Variants in HCLS1 observed in about 807,000 individuals in gnomAD.
The protein encoded by HCLS1 is hematopoietic cell-specific Lyn substrate 1, also known as hematopoietic lineage cell-specific protein.
HCLS1 carries 44 observed loss-of-function variants against 68.6 expected under a neutral mutation model. The observed-to-expected ratio is 0.64, with a 90% confidence interval of 0.50 to 0.82. HCLS1 has a LOEUF of 0.82. HCLS1 is among the 40% of genes least tolerant of loss of function. HCLS1 has a pLI of 0.00. For synonymous variants in HCLS1, 217 were observed against 225.8 expected (o/e 0.96, Z 0.35); for missense variants, 602 against 612.1 (o/e 0.98, Z 0.17).
chr3:121,634,427 A>G lies in HCLS1; in HGVS notation c.692-9T>C, dbSNP rs2049130208. ...ACGGGTACCACTAGAAGCTGCAGAC[A>G]CAGGCAAGAAAAATTAGGGTTGTCT... On this transcript the variant is annotated splice_polypyrimidine_tract_variant and intron_variant, in intron 9 of 13. Transcript: ENST00000314583. 1.2e-6 allele frequency: 2 copies of G among 1,613,612 alleles called. No individual in the cohort carries two copies. Among genetic ancestry groups the G allele is most frequent in the South Asian group, 1.1e-5 (1 of 91,076 alleles).
intron 3 of HCLS1, among the ~76,000 whole-genome samples, chr3:121,649,917 G>T (rs189494153): frequency 6.6e-6 from 1 of 152,222 alleles, no homozygotes; most frequent in Non-Finnish European, 1.5e-5. Context: ...ATTCACAGAT[G>T]ACCTGATCAT....
rs1560142321 is a variant in HCLS1 at position 121,647,421 on chromosome 3, T to C, written c.186A>G (p.Ser62=). 3.7e-6 allele frequency: 6 copies of C among 1,614,142 alleles called. No homozygotes were observed. The South Asian group carries it at 6.6e-5, about 18-fold the overall frequency. ...INIHQLRNKV[S]EEHDVLRKKE... ...TCTTCCTGAGAACATCATGCTCCTCTGATACTTTGTTCCTCAGCTGGTGGA... is the reference window on the plus strand; with the variant it reads ...TCTTCCTGAGAACATCATGCTCCTCCGATACTTTGTTCCTCAGCTGGTGGA... The change falls in exon 4 of 14, where the codon TCA becomes TCG. Residue 62 remains serine, a synonymous_variant. Transcript: ENST00000314583.
At position 121,644,633 on chromosome 3, in the gene HCLS1, A is replaced by G. The variant is rs763646245; in HGVS notation, c.399+185T>C. 6.0e-4 allele frequency: 421 copies of G among 697,238 alleles called. 1 individual carries two copies. Among genetic ancestry groups the G allele is most frequent in the Admixed American group, 6.4e-4 (32 of 49,882 alleles). The allele number at this position is 697,238 out of a possible 1,614,324, so 43.2% of individuals were successfully genotyped here. A position where few individuals can be genotyped will look rare whatever the true frequency, so the allele number is the denominator to read the frequency against. ...TTGAATCACTGTCTTTCAGCTCAGCATGTGGCTTCCAACATTGGCACCAAG... is the reference window on the plus strand; with the variant it reads ...TTGAATCACTGTCTTTCAGCTCAGCGTGTGGCTTCCAACATTGGCACCAAG... On this transcript the variant is annotated intron_variant, in intron 5 of 13. Coordinates refer to ENST00000314583, the MANE Select transcript of HCLS1 (RefSeq NM_005335.6).
Position 121,657,361 on chromosome 3 carries a change from G to A in HCLS1, c.85-9C>T, listed in dbSNP as rs200827424. The A allele has an allele frequency of 1.7e-4, 276 of 1,613,788 alleles. No individual in the cohort carries two copies. The African/African-American group carries it at 2.8e-3, about 17-fold the overall frequency. On this transcript the variant is annotated splice_polypyrimidine_tract_variant and intron_variant, in intron 2 of 13. Transcript: ENST00000314583. ...TTTTCAGAGATGTCATTCTGCAAAC[G>A]ACAGCACGCAGTAATACATGACGGC...
At chr3:121,642,601 A>G (rs1331775723) in intron 6 of HCLS1, among the ~76,000 whole-genome samples, 2 of 152,042 alleles carry the variant, frequency 1.3e-5, no homozygotes, top group African/African-American at 2.4e-5. Context: ...ACATAGTGAG[A>G]CTCCATCTCT....
At position 121,647,326 on chromosome 3, in the gene HCLS1, A is replaced by T. The variant is rs1937635488; in HGVS notation, c.281T>A (p.Met94Lys). Residue 94 changes from methionine to lysine, a missense_variant, in exon 4 of 14, where the codon ATG (methionine) becomes AAG (lysine). Coordinates refer to ENST00000314583, the MANE Select transcript of HCLS1 (RefSeq NM_005335.6). ...GGRFGVERDR[M>K]DKSAVGHEYV... ...CTTTCCCTTTCAACTTACCTTGTCC[A>T]TTCGGTCTCTTTCTACTCCAAACCG... 3 of 1,613,864 alleles carry T rather than the reference A, an allele frequency of 1.9e-6. No individual in the cohort carries two copies. The highest frequency in any genetic ancestry group is 1.7e-5 in the Admixed American group (1 of 59,962).
At chr3:121,655,178 C>T (rs1489652233) in intron 3 of HCLS1, among the ~76,000 whole-genome samples, 2 of 152,128 alleles carry the variant, frequency 1.3e-5, no homozygotes, top group Non-Finnish European at 2.9e-5. Flanking sequence ...AGGCAGCACC[C>T]GTCAGAGTGA....
rs375272596 is a variant in HCLS1, at chr3:121,634,338, C to T, written c.772G>A (p.Ala258Thr). 2.5e-6 allele frequency: 4 copies of T among 1,614,106 alleles called. No individual in the cohort carries two copies. Among genetic ancestry groups the T allele is most frequent in the Non-Finnish European group, 3.4e-6 (4 of 1,179,962 alleles). Residue 258 changes from alanine (A) to threonine (T), a missense_variant, in exon 10 of 14, where the codon GCA becomes ACA. Physicochemically the swap from Ala to Thr is moderately conservative, Grantham distance 58. Coordinates refer to ENST00000314583, the MANE Select transcript of HCLS1 (RefSeq NM_005335.6). ...EKRKREEEEKAQQVARRQQER... is the reference protein window; with the variant it reads ...EKRKREEEEKTQQVARRQQER... ...TGTTGCCTCCTGGCCACCTGCTGTGCCTTCTCCTCTTCCTCTCGCTTCCTC... is the reference window on the plus strand; with the variant it reads ...TGTTGCCTCCTGGCCACCTGCTGTGTCTTCTCCTCTTCCTCTCGCTTCCTC...
chr3:121,648,201 T>C (rs1017940227), intron 3 of HCLS1, among the ~76,000 whole-genome samples: 1 of 152,176 alleles, frequency 6.6e-6, no homozygotes, highest in African/African-American at 2.4e-5. Context: ...TAATGAAAAC[T>C]AACTAAGAAA....
At position 121,639,530 on chromosome 3, in the gene HCLS1, T is replaced by TTTGTTG. The variant is rs373818113; in HGVS notation, c.455-2280_455-2275dup. 6.7e-3 allele frequency among the ~76,000 whole-genome samples: 1,008 copies of TTTGTTG among 151,218 alleles called. 9 individuals are homozygous for TTTGTTG. The highest frequency in any genetic ancestry group is 0.019 in the African/African-American group (766 of 41,104). On this transcript the variant is annotated intron_variant, in intron 6 of 13. Coordinates refer to ENST00000314583, the MANE Select transcript of HCLS1 (RefSeq NM_005335.6). Reference sequence around the variant, plus strand: ...TATTTTTAACTGAATGATTTTATTTTTTGTTGTTGTTGTTGTTGTTGTTGT... The same window carrying TTTGTTG: ...TATTTTTAACTGAATGATTTTATTTTTTGTTGTTGTTGTTGTTGTTGTTGTTGTTGT...
Position 121,645,489 on chromosome 3 carries a change from G to C in HCLS1, c.289-561C>G, listed in dbSNP as rs148442474. Among the ~76,000 whole-genome samples the C allele has an allele frequency of 6.3e-3, 955 of 152,164 alleles. 13 individuals carry two copies. The highest frequency in any genetic ancestry group is 0.022 in the African/African-American group (901 of 41,494). On this transcript the variant is annotated intron_variant, in intron 4 of 13. Coordinates refer to ENST00000314583, the MANE Select transcript of HCLS1 (RefSeq NM_005335.6). Reference sequence around the variant, plus strand: ...ACAGTAAATAAAATAATAAAGAGAAGTTGCAACATAGACATAATACATAAA... The same window carrying C: ...ACAGTAAATAAAATAATAAAGAGAACTTGCAACATAGACATAATACATAAA...
intron 1 of HCLS1, among the ~76,000 whole-genome samples, chr3:121,659,118 G>A (rs2107482826): frequency 6.6e-6 from 1 of 152,310 alleles, no homozygotes; most frequent in East Asian, 1.9e-4. Flanking sequence ...TAATAAATCT[G>A]ATTTTGAACA....
At chr3:121,634,838 C>T (rs932727919) in intron 9 of HCLS1, among the ~76,000 whole-genome samples, 6 of 152,052 alleles carry the variant, frequency 3.9e-5, no homozygotes, top group Admixed American at 3.3e-4. Flanking sequence ...TGCTGTGTTG[C>T]CCAGCCTCAT....
intron 3 of HCLS1, 98 bp from the exon 4 acceptor site, chr3:121,647,546 T>C: frequency 7.7e-7 from 1 of 1,301,770 alleles, no homozygotes; most frequent in Non-Finnish European, 1.1e-6. Flanking sequence ...TCCTGTTTAC[T>C]TTCAGTAATA....
At chr3:121,634,077 G>T (rs1028896300) in intron 10 of HCLS1, 130 bp downstream of exon 10, 1 of 1,478,976 alleles carries the variant, frequency 6.8e-7, no homozygotes, top group South Asian at 1.3e-5. Context: ...GTCTTCTAAA[G>T]ACAGAGACAA....
At chr3:121,645,838 T>C (rs1240537666) in intron 4 of HCLS1, among the ~76,000 whole-genome samples, 1 of 147,104 alleles carries the variant, frequency 6.8e-6, no homozygotes, top group Admixed American at 6.9e-5. Flanking sequence ...AATTTTTAAA[T>C]ATACTTAAAT....
chr3:121,638,327 T>C (rs1257196695), intron 6 of HCLS1, among the ~76,000 whole-genome samples: 2 of 152,122 alleles, frequency 1.3e-5, no homozygotes, highest in Non-Finnish European at 2.9e-5. Flanking sequence ...CCTCCCAAAA[T>C]GCTGCAATTA....
intron 5 of HCLS1, chr3:121,644,059 A>G (rs991869162): frequency 6.5e-6 from 1 of 153,238 alleles, no homozygotes; most frequent in Non-Finnish European, 1.5e-5. Flanking sequence ...TTAAGGATGC[A>G]TGTCCACCTA....
At position 121,633,504 on chromosome 3, in the gene HCLS1, G is replaced by A. The variant is rs373440778; in HGVS notation, c.904-333C>T. Among the ~76,000 whole-genome samples the A allele has an allele frequency of 1.2e-3, 183 of 152,282 alleles. 3 individuals carry two copies. The South Asian group carries it at 0.02, about 17-fold the overall frequency. ...CCCAAAGTGCTGGGATTACAGGCAT[G>A]AGCCACCACGCTCGGCCCATCTTCA... On this transcript the variant is annotated intron_variant, in intron 10 of 13. Transcript: ENST00000314583.
Sources: gnomAD v4.1 joint callset for allele counts (sites outside exome capture counted in the v4.1 genomes callset) on GRCh38, gnomAD v4.1.1 for gene constraint, MANE v1.5 for transcripts, NCBI Gene and HGNC (gene_info 2026-07-23, HGNC 2026-07-21) for gene names.